The following ZBTB43 variants were observed in gnomAD, a reference collection of about 807,000 sequenced individuals.
ZBTB43 encodes the protein zinc finger and BTB domain-containing protein 43.
A neutral mutation model predicts 31.1 loss-of-function variants in ZBTB43; 6 were observed. The observed-to-expected ratio is 0.19, with a 90% CI of 0.11 to 0.38. The LOEUF is 0.38. Among genes scored for constraint, ZBTB43 ranks in the 10% least tolerant of loss-of-function variants. The probability of loss-of-function intolerance (pLI) is 1.00; values close to 1 mark genes in which losing one functional copy is unlikely to be tolerated. For missense variants in ZBTB43, 379 were observed against 602.1 expected (o/e 0.63, Z 3.88); for synonymous variants, 212 against 221.7 (o/e 0.96, Z 0.39).
chr9:126,832,737 G>T lies in ZBTB43; in HGVS notation c.228G>T (p.Met76Ile). 6.2e-7 allele frequency: 1 copy of T among 1,614,162 alleles called. No individual in the cohort carries two copies. The highest frequency in any genetic ancestry group is 1.1e-5 in the South Asian group (1 of 91,072). Residue 76 changes from methionine to isoleucine, a missense_variant, in exon 3 of 3, where the codon ATG becomes ATT. Transcript: ENST00000373464. ...GGAGAATTGTTTTGCCTGATGTGAT[G>T]AACCCAAGAGTGTTTGAGAACATTC... ...NSRRIVLPDV[M>I]NPRVFENILL...
intron 2 of ZBTB43, among the ~76,000 whole-genome samples, chr9:126,830,769 TG>T: frequency 1.3e-5 from 2 of 152,138 alleles, no homozygotes; most frequent in African/African-American, 4.8e-5. Flanking sequence ...TTACAGAATT[TG>T]GGGGAATTAC....
At chr9:126,812,203 A>G (rs2032266593) in intron 2 of ZBTB43, among the ~76,000 whole-genome samples, 1 of 151,832 alleles carries the variant, frequency 6.6e-6, no homozygotes, top group Admixed American at 6.6e-5. Context: ...TTCATTTAGC[A>G]TAACGTTTTC....
In ZBTB43 at chr9:126,833,154, G is replaced by A. The variant is rs779002362; in HGVS notation, c.645G>A (p.Gly215=). 1 of 1,613,960 alleles carries A rather than the reference G, an allele frequency of 6.2e-7. No individual in the cohort carries two copies. Among genetic ancestry groups the A allele is most frequent in the African/African-American group, 1.3e-5 (1 of 75,070 alleles). ...GCACGGAAATGGCAAGCCAGGATGG[G>A]GAGGAGGGCGCCAGCGACAGCGCCG... ...RLSTEMASQD[G]EEGASDSAEF... Residue 215 remains glycine, a synonymous_variant, in exon 3 of 3, where the codon GGG becomes GGA. Coordinates refer to ENST00000373464, the MANE Select transcript of ZBTB43 (RefSeq NM_014007.4). This position sits in a 1 kb window ranked among gnomAD's most constrained non-coding sequence, Gnocchi z 7.9.
At chr9:126,806,816 A>G (rs2032136488) in intron 1 of ZBTB43, among the ~76,000 whole-genome samples, 1 of 152,158 alleles carries the variant, frequency 6.6e-6, no homozygotes. Flanking sequence ...GGTTCTTAGA[A>G]AAGTTTAGTT....
chr9:126,816,226 T>C (rs2032382945), intron 2 of ZBTB43, among the ~76,000 whole-genome samples: 2 of 152,226 alleles, frequency 1.3e-5, no homozygotes, highest in Admixed American at 1.3e-4. Flanking sequence ...TCTCGCTGTT[T>C]TCACTTTCTT....
rs1378666670 is a variant in ZBTB43, at chr9:126,836,677, G to A, written c.*2764G>A. 1 of 166,934 alleles carries A rather than the reference G, an allele frequency of 6.0e-6. No homozygotes were observed. The highest frequency in any genetic ancestry group is 1.5e-5 in the Non-Finnish European group (1 of 68,098). The allele number at this position is 166,934 out of a possible 1,614,324, so 10.3% of individuals were successfully genotyped here. On this transcript the variant is annotated 3_prime_UTR_variant, in exon 3 of 3. Coordinates refer to ENST00000373464, the MANE Select transcript of ZBTB43 (RefSeq NM_014007.4). The stretch of plus-strand genomic sequence containing the variant: ...AGTTTGGATGGTTGTGGGTAACATT[G>A]TTCAAACAATCTTTCAGGGATCACG...
At chr9:126,811,336 T>C (rs1300032707) in intron 2 of ZBTB43, among the ~76,000 whole-genome samples, 1 of 152,218 alleles carries the variant, frequency 6.6e-6, no homozygotes, top group African/African-American at 2.4e-5. Flanking sequence ...TTACCAGTTA[T>C]ATGACCTTAA....
At chr9:126,810,495 C>CTTTTTT (rs1163411798) in intron 2 of ZBTB43, among the ~76,000 whole-genome samples, 20 of 73,332 alleles carry the variant, frequency 2.7e-4, no homozygotes, top group East Asian at 4.9e-4. Context: ...GCCCAGCCGT[C>CTTTTTT]TTTTTTTTTT....
chr9:126,818,792 G>T (rs2032448792), intron 2 of ZBTB43, among the ~76,000 whole-genome samples: 1 of 152,122 alleles, frequency 6.6e-6, no homozygotes. Flanking sequence ...ATTTACTCCA[G>T]TGTTCATAAG....
At chr9:126,810,675 T>TCA (rs2032227539) in intron 2 of ZBTB43, among the ~76,000 whole-genome samples, 1 of 151,326 alleles carries the variant, frequency 6.6e-6, no homozygotes, top group Admixed American at 6.6e-5. Flanking sequence ...TAATTTTTTT[T>TCA]TGTACTTTTA....
intron 2 of ZBTB43, among the ~76,000 whole-genome samples, chr9:126,814,901 C>A (rs543910135): frequency 1.3e-5 from 2 of 151,312 alleles, no homozygotes; most frequent in South Asian, 4.2e-4. Flanking sequence ...CCCCCACCTT[C>A]ATTTCAGTAT....
At chr9:126,806,732 C>T (rs1019218087) in intron 1 of ZBTB43, among the ~76,000 whole-genome samples, 1 of 152,180 alleles carries the variant, frequency 6.6e-6, no homozygotes, top group Admixed American at 6.5e-5. Context: ...AAAATTCATT[C>T]TGTAGTTGTT....
chr9:126,810,408 A>G (rs1281235783), intron 2 of ZBTB43, among the ~76,000 whole-genome samples: 2 of 149,746 alleles, frequency 1.3e-5, no homozygotes, highest in Non-Finnish European at 1.5e-5. Flanking sequence ...TGGCCAGGCC[A>G]GTCTCAAACT....
At position 126,833,607 on chromosome 9, in the gene ZBTB43, C is replaced by G. The variant is rs376108916; in HGVS notation, c.1098C>G (p.Phe366Leu). ...GIKEEASHLG[F>L]SATDKLYPCQ... is the part of the protein sequence containing the mutation. ...AAGAAGAAGCTTCCCACTTAGGATT[C>G]TCAGCCACTGACAAGCTGTATCCTT... The change falls in exon 3 of 3, where the codon TTC becomes TTG. Residue 366 changes from phenylalanine to leucine, a missense_variant. Transcript: ENST00000373464. This position sits in a 1 kb window ranked among gnomAD's most constrained non-coding sequence, Gnocchi z 7.9. 13 of 1,613,962 alleles carry G rather than the reference C, an allele frequency of 8.1e-6. No individual in the cohort carries two copies. The highest frequency in any genetic ancestry group is 3.3e-5 in the Admixed American group (2 of 60,006).
Position 126,833,058 on chromosome 9 carries a change from C to A in ZBTB43, c.549C>A (p.Asp183Glu). 6.2e-7 allele frequency: 1 copy of A among 1,614,034 alleles called. No individual in the cohort carries two copies. Among genetic ancestry groups the A allele is most frequent in the South Asian group, 1.1e-5 (1 of 91,074 alleles). ...AAAATGAAGAGGAGAGCACCAAAGACGAGCTGTCATCCCAGCTCACCGAGC... is the reference window on the plus strand; with the variant it reads ...AAAATGAAGAGGAGAGCACCAAAGAAGAGCTGTCATCCCAGCTCACCGAGC... ...DGENEEESTK[D>E]ELSSQLTEHE... The change falls in exon 3 of 3, where the codon GAC (aspartate) becomes GAA (glutamate). Residue 183 changes from aspartate to glutamate, a missense_variant. Coordinates refer to ENST00000373464, the MANE Select transcript of ZBTB43 (RefSeq NM_014007.4). This position sits in a 1 kb window ranked among gnomAD's most constrained non-coding sequence, Gnocchi z 7.9.
At chr9:126,823,439 G>T (rs947932192) in intron 2 of ZBTB43, among the ~76,000 whole-genome samples, 2 of 151,836 alleles carry the variant, frequency 1.3e-5, no homozygotes, top group African/African-American at 2.4e-5. Flanking sequence ...ATTTTTTGTT[G>T]TGCTTACCTG....
In ZBTB43 at chr9:126,805,079, C is replaced by G. The variant is rs1031347252; in HGVS notation, c.-200C>G. On this transcript the variant is annotated 5_prime_UTR_variant, in exon 1 of 3. Transcript: ENST00000373464. ...AGCTGAGGCTACAACAGGCCTGCGC[C>G]GGCGGCAGAGAGGATATCTTGGGCG... The G allele has an allele frequency of 6.6e-6, 1 of 152,474 alleles. No individual in the cohort carries two copies. The highest frequency in any genetic ancestry group is 2.4e-5 in the African/African-American group (1 of 41,458). The allele number at this position is 152,474 out of a possible 1,614,324, so 9.4% of individuals were successfully genotyped here. A position where few individuals can be genotyped will look rare whatever the true frequency, so the allele number is the denominator to read the frequency against.
chr9:126,828,105 C>T (rs1204928167), intron 2 of ZBTB43, among the ~76,000 whole-genome samples: 1 of 152,030 alleles, frequency 6.6e-6, no homozygotes, highest in Non-Finnish European at 1.5e-5. Context: ...ACAGGCTAGC[C>T]ATTTTGGAGG....
At chr9:126,805,229 T>TGGCCCCGCC (rs974180928) in intron 1 of ZBTB43, 97 bp downstream of exon 1, 5 of 152,834 alleles carry the variant, frequency 3.3e-5, no homozygotes, top group African/African-American at 7.2e-5. Flanking sequence ...CTCGCGCCGC[T>TGGCCCCGCC]GGCCCCGCCA....
Sources: allele counts gnomAD v4.1 joint callset (sites outside exome capture counted in the v4.1 genomes callset), GRCh38; gene constraint gnomAD v4.1.1; non-coding constraint Gnocchi (gnomAD v3.1); transcripts MANE v1.5; gene names NCBI Gene and HGNC (gene_info 2026-07-23, HGNC 2026-07-21).